The following YAP1 variants were observed in gnomAD, a reference collection of about 807,000 sequenced individuals.
The protein encoded by YAP1 is Yes1 associated transcriptional regulator.
Under a neutral mutation model 56.9 loss-of-function variants are expected in YAP1, and 5 were observed. The observed-to-expected ratio is 0.09, with a 90% CI of 0.05 to 0.18. YAP1 has a LOEUF of 0.18. Among genes scored for constraint, YAP1 ranks in the 10% least tolerant of loss-of-function variants. The pLI is 1.00. For synonymous variants in YAP1, 265 were observed against 248.1 expected, an observed-to-expected ratio of 1.07 and a Z score of -0.64; for missense variants, 539 against 651.8, an observed-to-expected ratio of 0.83 and a Z score of 1.88.
chr11:102,136,250 T>G (rs913333401), intron 2 of YAP1, among the ~76,000 whole-genome samples: 1 of 152,198 alleles, frequency 6.6e-6, no homozygotes, highest in East Asian at 1.9e-4. Context: ...GCTCAAATGT[T>G]TTGCCCAGTG....
At chr11:102,185,953 CT>C in intron 3 of YAP1, 64 bp from the exon 4 acceptor site, 1 of 1,461,684 alleles carries the variant, frequency 6.8e-7, no homozygotes, top group Non-Finnish European at 9.1e-7. Context: ...TTAGTACCCC[CT>C]CCCACTTTTT....
chr11:102,154,635 A>G (rs1945840223), intron 2 of YAP1, among the ~76,000 whole-genome samples: 2 of 152,208 alleles, frequency 1.3e-5, no homozygotes, highest in Non-Finnish European at 2.9e-5. Context: ...CTTTTGCCAC[A>G]TACGAAATCC....
intron 5 of YAP1, 130 bp from the exon 6 acceptor site, chr11:102,209,387 C>G: frequency 1.2e-6 from 1 of 812,352 alleles, no homozygotes; most frequent in Non-Finnish European, 1.9e-6. Context: ...CTTCGTCAGT[C>G]TGCTTCTTCT....
chr11:102,226,079 A>G (rs888663037), intron 7 of YAP1, among the ~76,000 whole-genome samples: 29 of 152,186 alleles, frequency 1.9e-4, no homozygotes, highest in African/African-American at 7.0e-4. Flanking sequence ...ATAGACTAAA[A>G]TGTCTGATGT....
In YAP1 at chr11:102,229,969, T is replaced by A; in HGVS notation, c.*29T>A. 2 of 1,594,784 alleles carry A rather than the reference T, an allele frequency of 1.3e-6. No homozygotes were observed. The highest frequency in any genetic ancestry group is 1.7e-6 in the Non-Finnish European group (2 of 1,163,042). On this transcript the variant is annotated 3_prime_UTR_variant, in exon 9 of 9. Coordinates refer to ENST00000282441, the MANE Select transcript of YAP1 (RefSeq NM_001130145.3). Reference sequence around the variant, plus strand: ...CCTCAGGCAGACTGAATTCTAAATCTGTGAAGGATCTAAGGAGACACATGC... The same window carrying A: ...CCTCAGGCAGACTGAATTCTAAATCAGTGAAGGATCTAAGGAGACACATGC...
chr11:102,185,274 C>T (rs1464606734), intron 3 of YAP1, among the ~76,000 whole-genome samples: 1 of 152,180 alleles, frequency 6.6e-6, no homozygotes, highest in Non-Finnish European at 1.5e-5. Context: ...TTCTCTATTC[C>T]TATAAAGATA....
At chr11:102,161,729 AT>A (rs2135398472) in intron 2 of YAP1, among the ~76,000 whole-genome samples, 1 of 152,312 alleles carries the variant, frequency 6.6e-6, no homozygotes, top group Non-Finnish European at 1.5e-5. Context: ...CTTAGTACTT[AT>A]TGCAAGTTTG....
intron 2 of YAP1, among the ~76,000 whole-genome samples, chr11:102,120,274 A>C (rs1024627571): frequency 2.0e-5 from 3 of 152,202 alleles, no homozygotes; most frequent in Non-Finnish European, 4.4e-5. Flanking sequence ...GGTTTAAATC[A>C]CAGCAGTCCT....
At chr11:102,200,986 C>G (rs1258930019) in intron 4 of YAP1, among the ~76,000 whole-genome samples, 5 of 152,170 alleles carry the variant, frequency 3.3e-5, no homozygotes, top group Admixed American at 3.3e-4. Flanking sequence ...CAAAGTACAA[C>G]TCCTGGGGTG....
chr11:102,169,095 A>G (rs1223608042), intron 3 of YAP1, among the ~76,000 whole-genome samples: 9 of 152,190 alleles, frequency 5.9e-5, no homozygotes, highest in Non-Finnish European at 1.3e-4. Flanking sequence ...GGCGTCATCT[A>G]TTGTCCATGA....
At chr11:102,147,243 T>C (rs1409915933) in intron 2 of YAP1, among the ~76,000 whole-genome samples, 5 of 152,212 alleles carry the variant, frequency 3.3e-5, no homozygotes, top group Admixed American at 6.5e-5. Flanking sequence ...TTTAGCTGCA[T>C]TTTTTAATGT....
chr11:102,155,933 C>T (rs759081540), intron 2 of YAP1, among the ~76,000 whole-genome samples: 21 of 152,124 alleles, frequency 1.4e-4, no homozygotes, highest in Non-Finnish European at 2.9e-4. Context: ...TGTTTGACTG[C>T]CTAAACCTGT....
intron 4 of YAP1, among the ~76,000 whole-genome samples, chr11:102,188,505 G>A (rs962865387): frequency 2.0e-5 from 3 of 152,138 alleles, no homozygotes; most frequent in South Asian, 2.1e-4. Context: ...GCATAATAAC[G>A]TTTCAGTCAG....
chr11:102,177,587 G>A (rs1228034682), intron 3 of YAP1, among the ~76,000 whole-genome samples: 1 of 149,922 alleles, frequency 6.7e-6, no homozygotes, highest in African/African-American at 2.5e-5. Context: ...TGAGGCAGGA[G>A]AATCGCTTGA....
chr11:102,180,117 C>T (rs1947501972), intron 3 of YAP1, among the ~76,000 whole-genome samples: 1 of 149,768 alleles, frequency 6.7e-6, no homozygotes, highest in African/African-American at 2.5e-5. Context: ...ACGAGAGATT[C>T]TCCTGCCTCA....
chr11:102,194,975 C>G (rs1057092624), intron 4 of YAP1, among the ~76,000 whole-genome samples: 1 of 151,970 alleles, frequency 6.6e-6, no homozygotes, highest in Non-Finnish European at 1.5e-5. Context: ...TCAGTCTGGT[C>G]TTGAACTCCT....
chr11:102,136,002 T>G (rs1944653638), intron 2 of YAP1, among the ~76,000 whole-genome samples: 1 of 152,206 alleles, frequency 6.6e-6, no homozygotes, highest in African/African-American at 2.4e-5. Flanking sequence ...CAGTGAACAT[T>G]CATGTGTATG....
At chr11:102,200,645 A>G (rs1056003717) in intron 4 of YAP1, among the ~76,000 whole-genome samples, 2 of 152,038 alleles carry the variant, frequency 1.3e-5, no homozygotes, top group Admixed American at 1.3e-4. Flanking sequence ...GGGTTTCACC[A>G]TTTTGGTCAG....
chr11:102,233,288 C>A lies in YAP1; in HGVS notation c.*3348C>A, dbSNP rs1488437216. ...ATATATATATATAGTACCAATGTTA[C>A]CTTTTTATTTTTTGTTTTAGATGTA... On this transcript the variant is annotated 3_prime_UTR_variant, in exon 9 of 9. Coordinates refer to ENST00000282441, the MANE Select transcript of YAP1 (RefSeq NM_001130145.3). 1 of 151,920 alleles carries A rather than the reference C, an allele frequency of 6.6e-6. No homozygotes were observed. The highest frequency in any genetic ancestry group is 1.5e-5 in the Non-Finnish European group (1 of 68,002). The allele number at this position is 151,920 out of a possible 1,614,324, so 9.4% of individuals were successfully genotyped here.
Sources: gnomAD v4.1 joint callset for allele counts (sites outside exome capture counted in the v4.1 genomes callset) on GRCh38, gnomAD v4.1.1 for gene constraint, MANE v1.5 for transcripts, NCBI Gene and HGNC (gene_info 2026-07-23, HGNC 2026-07-21) for gene names.